The following SPECC1 variants were observed in gnomAD, a reference collection of about 807,000 sequenced individuals.
SPECC1 encodes sperm antigen with calponin homology and coiled-coil domains 1, also known as cytospin-B.
Under a neutral mutation model 104.1 loss-of-function variants are expected in SPECC1, and 62 were observed. The observed-to-expected ratio is 0.60, with a 90% confidence interval of 0.49 to 0.74. The LOEUF is 0.74. Among genes scored for constraint, SPECC1 ranks in the 30% least tolerant of loss-of-function variants. The pLI is 0.00. For synonymous variants in SPECC1, 513 were observed against 501.6 expected, an observed-to-expected ratio of 1.02 and a Z score of -0.30; for missense variants, 1,306 against 1,310.5, an observed-to-expected ratio of 1.00 and a Z score of 0.05.
At chr17:20,237,160 G>T in intron 7 of SPECC1, 1 of 1,345,122 alleles carries the variant, frequency 7.4e-7, no homozygotes, top group Non-Finnish European at 9.6e-7. Flanking sequence ...AGAATAAAAT[G>T]AAGTTCTGAA....
At chr17:20,022,028 G>A (rs1296288897) in intron 1 of SPECC1, among the ~76,000 whole-genome samples, 3 of 151,712 alleles carry the variant, frequency 2.0e-5, no homozygotes, top group Non-Finnish European at 4.4e-5. Context: ...TGCAATCTCC[G>A]CCTCCTGGGT....
chr17:20,081,820 C>T (rs1214297443), intron 1 of SPECC1, among the ~76,000 whole-genome samples: 3 of 152,080 alleles, frequency 2.0e-5, no homozygotes, highest in African/African-American at 7.2e-5. Flanking sequence ...CACATTACAA[C>T]ACACACACAA....
At chr17:20,236,757 C>T in intron 7 of SPECC1, 2 of 1,486,686 alleles carry the variant, frequency 1.3e-6, no homozygotes, top group South Asian at 2.3e-5. Flanking sequence ...TAGCTTTTCC[C>T]TGTGGGACAG....
At chr17:20,243,099 T>C (rs762379753) in intron 7 of SPECC1, among the ~76,000 whole-genome samples, 135 of 152,300 alleles carry the variant, frequency 8.9e-4, no homozygotes, top group Admixed American at 2.5e-3. Context: ...TTGTAAACAG[T>C]CATGTTTACA....
chr17:20,046,942 C>T (rs1001220806), intron 1 of SPECC1, among the ~76,000 whole-genome samples: 1 of 152,040 alleles, frequency 6.6e-6, no homozygotes, highest in Admixed American at 6.5e-5. Flanking sequence ...TGTGGTCACT[C>T]TGCTATGCTG....
In SPECC1 at chr17:20,205,516, G is replaced by A; in HGVS notation, c.1467G>A (p.Gln489=). The A allele has an allele frequency of 1.9e-6, 3 of 1,614,188 alleles. No homozygotes were observed. Among genetic ancestry groups the A allele is most frequent in the Middle Eastern group, 3.3e-4 (2 of 6,062 alleles). ...GAGAGAAGCTACTCAACATTCAGCA[G>A]CAGTTGACCTGTAGCTTGCGGAAGG... The part of the protein sequence containing the change: ...FEREKLLNIQ[Q]QLTCSLRKVE... The change falls in exon 4 of 15, where the codon CAG becomes CAA. Residue 489 remains glutamine, a synonymous_variant. Coordinates refer to ENST00000395527, the MANE Select transcript of SPECC1 (RefSeq NM_001243439.2).
At chr17:20,201,297 T>TAA (rs562224075) in intron 3 of SPECC1, among the ~76,000 whole-genome samples, 310 of 133,540 alleles carry the variant, frequency 2.3e-3, no homozygotes, top group Middle Eastern at 7.4e-3. Context: ...CCATCTCTAC[T>TAA]AAAAAAAAAA....
intron 1 of SPECC1, among the ~76,000 whole-genome samples, chr17:20,042,406 C>T (rs1052630426): frequency 1.3e-5 from 2 of 152,138 alleles, no homozygotes; most frequent in African/African-American, 2.4e-5. Flanking sequence ...AAGGTTAAGT[C>T]ACTGAATCTC....
chr17:20,052,985 C>T (rs1567814521), intron 1 of SPECC1, among the ~76,000 whole-genome samples: 1 of 152,110 alleles, frequency 6.6e-6, no homozygotes, highest in African/African-American at 2.4e-5. Flanking sequence ...TTTTCCTTAT[C>T]CCTCAAACAA....
At chr17:20,275,478 A>G (rs767371154) in intron 12 of SPECC1, among the ~76,000 whole-genome samples, 1 of 152,210 alleles carries the variant, frequency 6.6e-6, no homozygotes, top group African/African-American at 2.4e-5. Context: ...TGACAGAATT[A>G]ATTCTTAGCC....
intron 7 of SPECC1, among the ~76,000 whole-genome samples, chr17:20,243,519 C>T (rs914668815): frequency 5.3e-5 from 8 of 152,208 alleles, no homozygotes; most frequent in African/African-American, 1.9e-4. Context: ...TTTGGTTATT[C>T]AATTCAGGCT....
chr17:20,313,870 G>A, intron 14 of SPECC1, 106 bp from the exon 15 acceptor site: 1 of 994,496 alleles, frequency 1.0e-6, no homozygotes. Flanking sequence ...TGTGTAAGTG[G>A]AGGGTTTCCA....
At chr17:20,094,345 G>A (rs1019035871) in intron 1 of SPECC1, among the ~76,000 whole-genome samples, 1 of 152,186 alleles carries the variant, frequency 6.6e-6, no homozygotes, top group Admixed American at 6.5e-5. Context: ...GTGTTCGTCA[G>A]GGGCACCATC....
intron 3 of SPECC1, among the ~76,000 whole-genome samples, chr17:20,195,565 T>C (rs984266466): frequency 6.6e-6 from 1 of 151,916 alleles, no homozygotes; most frequent in African/African-American, 2.4e-5. Flanking sequence ...ACCCAATTTT[T>C]TTTTTTTTTT....
chr17:20,042,440 C>T (rs943227538), intron 1 of SPECC1, among the ~76,000 whole-genome samples: 2 of 152,124 alleles, frequency 1.3e-5, no homozygotes, highest in African/African-American at 4.8e-5. Context: ...CTGACATGAC[C>T]CCAGCAGGGA....
chr17:20,157,181 A>G (rs929235707), intron 3 of SPECC1, among the ~76,000 whole-genome samples: 1 of 152,068 alleles, frequency 6.6e-6, no homozygotes, highest in South Asian at 2.1e-4. Context: ...GCCTCTGCGC[A>G]TTGCTTCTCC....
intron 3 of SPECC1, among the ~76,000 whole-genome samples, chr17:20,119,562 C>G (rs547276442): frequency 6.6e-6 from 1 of 152,328 alleles, no homozygotes. Context: ...GTCAGTAGTC[C>G]TCAACATTTT....
At chr17:20,297,634 G>A (rs2041399426) in intron 13 of SPECC1, among the ~76,000 whole-genome samples, 1 of 152,124 alleles carries the variant, frequency 6.6e-6, no homozygotes, top group South Asian at 2.1e-4. Context: ...CTCTACCATC[G>A]GGCTAAAGAG....
At position 20,317,698 on chromosome 17, in the gene SPECC1, C is replaced by T. The variant is rs187114611; in HGVS notation, c.*3633C>T. On this transcript the variant is annotated 3_prime_UTR_variant, in exon 15 of 15. Coordinates refer to ENST00000395527, the MANE Select transcript of SPECC1 (RefSeq NM_001243439.2). ...CTGTGTTTGTGCCACTGCACTCTGG[C>T]CTGGGCCAAAGAGCAAGACCCTGTC... 4.6e-4 allele frequency: 98 copies of T among 210,892 alleles called. No homozygotes were observed. The highest frequency in any genetic ancestry group is 2.2e-3 in the African/African-American group (97 of 44,168). The allele number at this position is 210,892 out of a possible 1,614,324, so 13.1% of individuals were successfully genotyped here.
Sources: gnomAD v4.1 joint callset for allele counts (sites outside exome capture counted in the v4.1 genomes callset) on GRCh38, gnomAD v4.1.1 for gene constraint, MANE v1.5 for transcripts, NCBI Gene and HGNC (gene_info 2026-07-23, HGNC 2026-07-21) for gene names.